CDH18: variants seen among roughly 807,000 people sequenced by gnomAD.
CDH18 encodes the protein cadherin 18, also known as cadherin-18.
A neutral mutation model predicts 67.9 loss-of-function variants in CDH18; 31 were observed. That is an observed-to-expected ratio of 0.46 (90% CI 0.34 to 0.62). The LOEUF is 0.62. CDH18 is among the 20% of genes least tolerant of loss of function. The pLI is 0.01. For missense variants in CDH18, 890 were observed against 975.5 expected, an observed-to-expected ratio of 0.91 and a Z score of 1.17; for synonymous variants, 362 against 347.2, an observed-to-expected ratio of 1.04 and a Z score of -0.48.
rs115406264 is a variant in CDH18 at position 20,500,319 on chromosome 5, G to T, written c.-580+75143C>A. 8.0e-3 allele frequency among the ~76,000 whole-genome samples: 1,219 copies of T among 152,212 alleles called. 13 individuals carry two copies. Among genetic ancestry groups the T allele is most frequent in the African/African-American group, 0.028 (1,157 of 41,526 alleles). On this transcript the variant is annotated intron_variant, in intron 1 of 14. Transcript: ENST00000507958. ...TTATAATATGAATTTTAGGAAAATA[G>T]AAATTGGCTTTTGATGCTCATCTGA...
At chr5:20,273,150 AT>A (rs368007779) in intron 1 of CDH18, among the ~76,000 whole-genome samples, 2,212 of 152,188 alleles carry the variant, frequency 0.015, 32 homozygotes, top group South Asian at 0.03. Flanking sequence ...GATGCAAAAC[AT>A]TTTTTGTTTT....
intron 1 of CDH18, among the ~76,000 whole-genome samples, chr5:20,326,754 G>T (rs1267219273): frequency 1.3e-5 from 2 of 152,084 alleles, no homozygotes; most frequent in Non-Finnish European, 2.9e-5. Flanking sequence ...TGTTAGCCAA[G>T]ATGGTCTCGA....
chr5:19,611,190 T>C (rs568211380), intron 6 of CDH18, among the ~76,000 whole-genome samples: 1 of 152,234 alleles, frequency 6.6e-6, no homozygotes, highest in South Asian at 2.1e-4. Context: ...GAAATTAGTA[T>C]AACATGAACA....
At chr5:19,730,723 A>G (rs1290039038) in intron 4 of CDH18, among the ~76,000 whole-genome samples, 1 of 151,558 alleles carries the variant, frequency 6.6e-6, no homozygotes, top group Admixed American at 6.6e-5. Context: ...CTGAATTTAT[A>G]TTGCTACTGC....
chr5:19,787,080 T>A (rs1775875389), intron 3 of CDH18, among the ~76,000 whole-genome samples: 1 of 152,162 alleles, frequency 6.6e-6, no homozygotes, highest in South Asian at 2.1e-4. Flanking sequence ...GGTACCTCTA[T>A]AGAAAGGAAG....
chr5:20,543,017 C>T (rs953161599), intron 1 of CDH18, among the ~76,000 whole-genome samples: 2 of 151,800 alleles, frequency 1.3e-5, no homozygotes, highest in Admixed American at 6.6e-5. Flanking sequence ...CGTTTCATGG[C>T]TAAATAAGGC....
chr5:20,247,102 C>G (rs887533066), intron 2 of CDH18, among the ~76,000 whole-genome samples: 3 of 152,134 alleles, frequency 2.0e-5, no homozygotes, highest in Admixed American at 6.5e-5. Flanking sequence ...CCTTCCCAAC[C>G]ATGCAGCCTA....
At chr5:19,735,885 CTG>C (rs2150668144) in intron 4 of CDH18, among the ~76,000 whole-genome samples, 2 of 152,298 alleles carry the variant, frequency 1.3e-5, no homozygotes, top group South Asian at 2.1e-4. Context: ...AAACAAAACA[CTG>C]TGCATTTTTA....
intron 2 of CDH18, among the ~76,000 whole-genome samples, chr5:20,199,113 G>T (rs899207214): frequency 7.2e-5 from 11 of 152,168 alleles, no homozygotes; most frequent in African/African-American, 2.4e-4. Context: ...TTCCCACTGG[G>T]GCACTACTCA....
chr5:19,662,395 A>G (rs940773835), intron 5 of CDH18, among the ~76,000 whole-genome samples: 2 of 151,998 alleles, frequency 1.3e-5, no homozygotes, highest in Non-Finnish European at 2.9e-5. Flanking sequence ...CTACTCTCAG[A>G]GTGTTTTTCT....
chr5:19,781,753 A>G (rs1775140319), intron 3 of CDH18, among the ~76,000 whole-genome samples: 1 of 152,156 alleles, frequency 6.6e-6, no homozygotes, highest in African/African-American at 2.4e-5. Flanking sequence ...TTTCAGGTGG[A>G]AATGGAAAAC....
intron 2 of CDH18, among the ~76,000 whole-genome samples, chr5:20,250,291 A>T (rs199504467): frequency 4.3e-4 from 63 of 147,732 alleles, no homozygotes; most frequent in African/African-American, 1.0e-3. Flanking sequence ...TTTTTTTTTT[A>T]TTTTATTTAT....
intron 5 of CDH18, among the ~76,000 whole-genome samples, chr5:19,639,979 T>C (rs1368583076): frequency 6.6e-5 from 10 of 152,160 alleles, no homozygotes; most frequent in Admixed American, 5.9e-4. Context: ...TGCAAAATAC[T>C]GAAAGAGAAA....
chr5:19,539,450 T>C (rs1196665173), intron 9 of CDH18, among the ~76,000 whole-genome samples: 3 of 152,220 alleles, frequency 2.0e-5, no homozygotes, highest in Admixed American at 6.5e-5. Flanking sequence ...TCATATATAT[T>C]CATAAACTAC....
intron 1 of CDH18, among the ~76,000 whole-genome samples, chr5:20,501,534 A>ATT (rs1358410904): frequency 2.0e-5 from 1 of 49,632 alleles, no homozygotes; most frequent in Non-Finnish European, 4.2e-5. Context: ...TATTATATAT[A>ATT]TTATATACAT....
At chr5:19,753,505 C>T (rs956739043) in intron 3 of CDH18, among the ~76,000 whole-genome samples, 1 of 152,078 alleles carries the variant, frequency 6.6e-6, no homozygotes, top group Non-Finnish European at 1.5e-5. Flanking sequence ...ATGAACAAAG[C>T]CTCAGAGTAG....
At chr5:20,116,601 C>T (rs1469304220) in intron 2 of CDH18, among the ~76,000 whole-genome samples, 1 of 151,920 alleles carries the variant, frequency 6.6e-6, no homozygotes, top group Admixed American at 6.6e-5. Context: ...TTGTTATTAA[C>T]AGCAAATTAA....
chr5:20,106,534 A>G (rs183941699), intron 2 of CDH18, among the ~76,000 whole-genome samples: 84 of 152,318 alleles, frequency 5.5e-4, no homozygotes, highest in African/African-American at 1.9e-3. Context: ...CACACTTTTT[A>G]TATCAATTTT....
intron 1 of CDH18, among the ~76,000 whole-genome samples, chr5:20,481,702 T>C (rs1248065300): frequency 1.3e-5 from 2 of 151,994 alleles, no homozygotes; most frequent in African/African-American, 4.8e-5. Context: ...TCCTAAAAGA[T>C]TAGTGGGTCA....
Sources: allele counts gnomAD v4.1 joint callset (sites outside exome capture counted in the v4.1 genomes callset), GRCh38; gene constraint gnomAD v4.1.1; transcripts MANE v1.5; gene names NCBI Gene and HGNC (gene_info 2026-07-23, HGNC 2026-07-21).